The following UPP2 variants were observed in gnomAD, a reference collection of about 807,000 sequenced individuals.
The protein encoded by UPP2 is uridine phosphorylase 2.
Under a neutral mutation model 26.7 loss-of-function variants are expected in UPP2, and 23 were observed. The ratio of observed to expected loss-of-function variants is 0.86; its 90% CI spans 0.62 to 1.22. The LOEUF (loss-of-function observed/expected upper bound fraction) is 1.22, where lower values mean the gene tolerates loss of function less well. UPP2 is among the 50% of genes most tolerant of loss of function. The pLI is 0.00. For missense variants in UPP2, 387 were observed against 396.7 expected, an observed-to-expected ratio of 0.98 and a Z score of 0.21; for synonymous variants, 127 against 141.3, an observed-to-expected ratio of 0.90 and a Z score of 0.72.
intron 3 of UPP2, among the ~76,000 whole-genome samples, chr2:158,045,870 T>C (rs1684146245): frequency 6.6e-6 from 1 of 152,082 alleles, no homozygotes; most frequent in Non-Finnish European, 1.5e-5. Flanking sequence ...CAGCCGCCAA[T>C]TGTAGCTGCA....
intron 3 of UPP2, among the ~76,000 whole-genome samples, chr2:158,044,271 C>T (rs954932912): frequency 2.6e-5 from 4 of 152,106 alleles, no homozygotes; most frequent in Non-Finnish European, 2.9e-5. Context: ...TTGATGTAGG[C>T]CTGCCTAGAG....
At chr2:158,032,196 T>A (rs1485659407) in intron 3 of UPP2, among the ~76,000 whole-genome samples, 2 of 152,136 alleles carry the variant, frequency 1.3e-5, no homozygotes, top group African/African-American at 4.8e-5. Flanking sequence ...TATTGCTGAT[T>A]TTGGCTTAGT....
chr2:158,037,123 C>A lies in UPP2; in HGVS notation c.147+21237C>A, dbSNP rs539902430. On this transcript the variant is annotated intron_variant, in intron 3 of 9. Coordinates refer to the UPP2 transcript ENST00000605860. The stretch of plus-strand genomic sequence containing the variant: ...GGTGTGGTGGCTCACACCTGTAATC[C>A]CAGCACTTTGGGAGGCTAAGGTGGG... Among the ~76,000 whole-genome samples, 16 of 152,216 alleles carry A rather than the reference C, an allele frequency of 1.1e-4. No individual in the cohort carries two copies. The East Asian group carries it at 3.1e-3, about 29-fold the overall frequency.
At chr2:158,015,920 AC>A (rs1356507488) in intron 3 of UPP2, 2 of 420,632 alleles carry the variant, frequency 4.8e-6, no homozygotes, top group African/African-American at 4.1e-5. Context: ...TTCATAAATT[AC>A]CCAGTCTCAG....
intron 3 of UPP2, among the ~76,000 whole-genome samples, chr2:158,047,319 G>T (rs1202668970): frequency 1.3e-5 from 2 of 152,184 alleles, no homozygotes; most frequent in East Asian, 1.9e-4. Context: ...ATGAGCACAG[G>T]CTGATTAGCT....
intron 3 of UPP2, among the ~76,000 whole-genome samples, chr2:158,035,605 G>A (rs776851974): frequency 4.6e-5 from 7 of 152,136 alleles, no homozygotes; most frequent in Admixed American, 2.0e-4. Context: ...CTACTACTGC[G>A]GCATGGGCTT....
chr2:158,103,846 C>T (rs2105212115), intron 1 of UPP2, among the ~76,000 whole-genome samples: 1 of 152,254 alleles, frequency 6.6e-6, no homozygotes, highest in Non-Finnish European at 1.5e-5. Context: ...TAACAAGGGA[C>T]TAGGGATAAA....
At chr2:158,022,752 G>T (rs1353562983) in intron 3 of UPP2, among the ~76,000 whole-genome samples, 1 of 152,114 alleles carries the variant, frequency 6.6e-6, no homozygotes, top group Non-Finnish European at 1.5e-5. Flanking sequence ...AGGTATAGAG[G>T]TTCTGTACGA....
chr2:158,096,600 AAAAT>A (rs529079139), intron 3 of UPP2, among the ~76,000 whole-genome samples: 268 of 152,094 alleles, frequency 1.8e-3, no homozygotes, highest in African/African-American at 3.7e-3. Context: ...CTCTGTCTCA[AAAAT>A]AAATAAATAA....
intron 4 of UPP2, among the ~76,000 whole-genome samples, chr2:158,120,622 C>T (rs954687094): frequency 2.0e-5 from 3 of 151,980 alleles, no homozygotes; most frequent in African/African-American, 4.8e-5. Flanking sequence ...GATATATCTT[C>T]TTATTCAGGC....
chr2:158,033,426 G>C (rs1420411827), intron 3 of UPP2, among the ~76,000 whole-genome samples: 1 of 152,154 alleles, frequency 6.6e-6, no homozygotes, highest in African/African-American at 2.4e-5. Flanking sequence ...GTGCTCTTAT[G>C]ACTGCAGATG....
chr2:157,996,043 A>G (rs1683320331), intron 2 of UPP2, among the ~76,000 whole-genome samples: 1 of 152,200 alleles, frequency 6.6e-6, no homozygotes, highest in African/African-American at 2.4e-5. Flanking sequence ...TGTTTGCATA[A>G]ACCTGTTTTT....
intron 2 of UPP2, among the ~76,000 whole-genome samples, chr2:157,996,466 C>A (rs1170765017): frequency 2.6e-5 from 4 of 152,076 alleles, no homozygotes; most frequent in Non-Finnish European, 4.4e-5. Context: ...AGTCATGTTG[C>A]AATGTTGTTG....
intron 3 of UPP2, among the ~76,000 whole-genome samples, chr2:158,063,115 T>A (rs1682378648): frequency 6.6e-6 from 1 of 152,192 alleles, no homozygotes; most frequent in Admixed American, 6.5e-5. Flanking sequence ...CTTGAATGAT[T>A]TAACTTTTTT....
intron 2 of UPP2, among the ~76,000 whole-genome samples, chr2:158,000,133 G>A (rs943611151): frequency 3.3e-5 from 5 of 151,200 alleles, no homozygotes; most frequent in African/African-American, 4.9e-5. Flanking sequence ...GCGCGATCTC[G>A]GCTCACTGCA....
chr2:158,060,003 G>A (rs1682328319), intron 3 of UPP2, among the ~76,000 whole-genome samples: 2 of 152,186 alleles, frequency 1.3e-5, no homozygotes, highest in South Asian at 2.1e-4. Context: ...ATAACTTATA[G>A]GCATTAATAC....
intron 3 of UPP2, among the ~76,000 whole-genome samples, chr2:158,053,384 G>C (rs901660734): frequency 2.0e-5 from 3 of 152,072 alleles, no homozygotes; most frequent in African/African-American, 7.2e-5. Flanking sequence ...TCAAGGAACA[G>C]GTATATTAGA....
chr2:158,126,020 C>T (rs1574310436), intron 6 of UPP2, among the ~76,000 whole-genome samples: 2 of 152,104 alleles, frequency 1.3e-5, no homozygotes. Flanking sequence ...TCATGAAAAC[C>T]GGGTGATGAC....
At chr2:158,001,950 T>A (rs1026514514) in intron 2 of UPP2, among the ~76,000 whole-genome samples, 2 of 85,628 alleles carry the variant, frequency 2.3e-5, no homozygotes, top group African/African-American at 4.9e-5. Context: ...CTGGGGAGAA[T>A]GAGCACCAAA....
Sources: gnomAD v4.1 joint callset for allele counts (sites outside exome capture counted in the v4.1 genomes callset) on GRCh38, gnomAD v4.1.1 for gene constraint, MANE v1.5 for transcripts, NCBI Gene and HGNC (gene_info 2026-07-23, HGNC 2026-07-21) for gene names.